Variants in VAV1 observed in about 807,000 individuals in gnomAD.
The protein encoded by VAV1 is proto-oncogene vav.
In VAV1, 33 loss-of-function variants were observed where a neutral mutation model predicts 128.1. That is an observed-to-expected ratio of 0.26 (90% CI 0.20 to 0.34). VAV1 has a LOEUF of 0.34. VAV1 is among the 10% of genes least tolerant of loss of function. VAV1 has a pLI of 1.00. For synonymous variants in VAV1, 394 were observed against 409.8 expected, an observed-to-expected ratio of 0.96 and a Z score of 0.47; for missense variants, 715 against 1,093.7, an observed-to-expected ratio of 0.65 and a Z score of 4.88.
chr19:6,850,621 G>GA, intron 23 of VAV1, 49 bp from the exon 24 acceptor site: 1 of 1,586,214 alleles, frequency 6.3e-7, no homozygotes, highest in Non-Finnish European at 8.7e-7. Context: ...GCTTGGTGGG[G>GA]AATGGGCCTG....
intron 1 of VAV1, among the ~76,000 whole-genome samples, chr19:6,781,413 A>G (rs2144695123): frequency 6.6e-6 from 1 of 152,058 alleles, no homozygotes; most frequent in African/African-American, 2.4e-5. Context: ...AAGATTCTGG[A>G]GTTTTGCCAG....
chr19:6,818,813 C>T (rs1030063494), intron 1 of VAV1, among the ~76,000 whole-genome samples: 1 of 152,028 alleles, frequency 6.6e-6, no homozygotes, highest in African/African-American at 2.4e-5. Flanking sequence ...AATATCTAGT[C>T]CTAAAAAGTA....
At chr19:6,830,067 T>G in intron 14 of VAV1, 149 bp downstream of exon 14, 1 of 1,351,414 alleles carries the variant, frequency 7.4e-7, no homozygotes, top group Non-Finnish European at 1.0e-6. Flanking sequence ...GTTTGTTTTG[T>G]TCTGTTTTTT....
At position 6,843,258 on chromosome 19, in the gene VAV1, A is replaced by G. The variant is rs1177491504; in HGVS notation, c.2012+92A>G. ...GGAGGAACCTCCGAGCCAATTAGTTATGCATTCTGTGATCCCTGAGCACCG... is the reference window on the plus strand; with the variant it reads ...GGAGGAACCTCCGAGCCAATTAGTTGTGCATTCTGTGATCCCTGAGCACCG... On this transcript the variant is annotated intron_variant, in intron 22 of 26. Coordinates refer to ENST00000602142, the MANE Select transcript of VAV1 (RefSeq NM_005428.4). The G allele has an allele frequency of 5.6e-6, 8 of 1,430,102 alleles. No homozygotes were observed. In the South Asian group the frequency reaches 5.8e-5, roughly 10 times the overall value. The allele number at this position is 1,430,102 out of a possible 1,614,324, so 88.6% of individuals were successfully genotyped here. A position where few individuals can be genotyped will look rare whatever the true frequency, so the allele number is the denominator to read the frequency against.
intron 1 of VAV1, among the ~76,000 whole-genome samples, chr19:6,810,101 C>T (rs1971484275): frequency 6.6e-6 from 1 of 152,014 alleles, no homozygotes; most frequent in Non-Finnish European, 1.5e-5. Context: ...ATCAATTGAA[C>T]CCAAAAGGTG....
In VAV1 at chr19:6,777,256, TCCATCCA is replaced by T. The variant is rs1970666362; in HGVS notation, c.204+4246_204+4252del. ...AACTATCCATCCATCCATCCATCCA[TCCATCCA>T]TCCATCCATCCATCCATCCATCCAG... On this transcript the variant is annotated intron_variant, in intron 1 of 26. Coordinates refer to ENST00000602142, the MANE Select transcript of VAV1 (RefSeq NM_005428.4). The surrounding 1 kb of genome is among the most constrained non-coding windows in gnomAD (Gnocchi z 4.4). 6.6e-6 allele frequency among the ~76,000 whole-genome samples: 1 copy of T among 151,528 alleles called. No individual in the cohort carries two copies. Among genetic ancestry groups the T allele is most frequent in the Non-Finnish European group, 1.5e-5 (1 of 67,886 alleles).
intron 21 of VAV1, among the ~76,000 whole-genome samples, chr19:6,841,314 C>G (rs1259997871): frequency 2.6e-5 from 4 of 152,068 alleles, no homozygotes; most frequent in Admixed American, 1.3e-4. Flanking sequence ...TCAACTTTTG[C>G]GTATTGTGAA....
chr19:6,779,028 CGGCAT>C (rs1970706282), intron 1 of VAV1, among the ~76,000 whole-genome samples: 3 of 145,988 alleles, frequency 2.1e-5, no homozygotes, highest in Non-Finnish European at 3.0e-5. Flanking sequence ...AGGTGTGCAC[CGGCAT>C]ACCTGGGTGA....
chr19:6,840,015 A>G (rs1972330285), intron 21 of VAV1, among the ~76,000 whole-genome samples: 2 of 152,110 alleles, frequency 1.3e-5, no homozygotes, highest in Non-Finnish European at 2.9e-5. Context: ...TCTAAGGTAC[A>G]GTTGAGTGGC....
chr19:6,793,154 G>A (rs1971053664), intron 1 of VAV1, among the ~76,000 whole-genome samples: 1 of 152,138 alleles, frequency 6.6e-6, no homozygotes, highest in Non-Finnish European at 1.5e-5. Context: ...CTAACACGGT[G>A]AAACCTCATC....
At chr19:6,815,227 A>G (rs1971620775) in intron 1 of VAV1, among the ~76,000 whole-genome samples, 1 of 152,078 alleles carries the variant, frequency 6.6e-6, no homozygotes. Context: ...AGCTCACTGC[A>G]GCCTCTACCT....
chr19:6,832,224 T>C, intron 15 of VAV1, 24 bp downstream of exon 15: 1 of 1,611,138 alleles, frequency 6.2e-7, no homozygotes, highest in South Asian at 1.1e-5. Flanking sequence ...TTCCTCCCTC[T>C]TTCTGTCCAC....
rs951885642 is a variant in VAV1 at position 6,820,818 on chromosome 19, G to A, written c.321G>A (p.Lys107=). 3.8e-5 allele frequency: 62 copies of A among 1,613,822 alleles called. No homozygotes were observed. The highest frequency in any genetic ancestry group is 5.0e-5 in the Non-Finnish European group (59 of 1,179,798). The change falls in exon 2 of 27, where the codon AAG becomes AAA. Residue 107 remains lysine (K), a splice_region_variant and synonymous_variant. Transcript: ENST00000602142. The surrounding 1 kb of genome is among the most constrained non-coding windows in gnomAD (Gnocchi z 4.4). ...TCTTCGATGTGCAGGATTTTGGCAA[G>A]GTGAGCTGCACACTTGAAGCCCAAA... ...FDLFDVQDFG[K]VIYTLSALSW... is the part of the protein sequence containing the mutation.
At chr19:6,855,963 T>G (rs1972789103) in intron 26 of VAV1, among the ~76,000 whole-genome samples, 1 of 152,200 alleles carries the variant, frequency 6.6e-6, no homozygotes, top group South Asian at 2.1e-4. Context: ...CAGGAACTGT[T>G]CTAGGCTCTT....
At chr19:6,844,362 C>T (rs1284615109) in intron 22 of VAV1, among the ~76,000 whole-genome samples, 1 of 151,814 alleles carries the variant, frequency 6.6e-6, no homozygotes, top group Non-Finnish European at 1.5e-5. Flanking sequence ...ATTACAGGCA[C>T]CTGCCGCCAC....
At chr19:6,821,934 C>A in intron 4 of VAV1, 75 bp downstream of exon 4, 2 of 1,582,462 alleles carry the variant, frequency 1.3e-6, no homozygotes, top group Non-Finnish European at 8.7e-7. Flanking sequence ...GGGGACATGG[C>A]CTTGCCCTCC....
At chr19:6,845,068 G>A (rs747080804) in intron 22 of VAV1, among the ~76,000 whole-genome samples, 11 of 152,002 alleles carry the variant, frequency 7.2e-5, no homozygotes, top group Non-Finnish European at 1.2e-4. Context: ...AACCAGATTT[G>A]CATTCGTTTT....
chr19:6,827,246 G>GGTTT (rs577396708), intron 9 of VAV1: 10 of 161,076 alleles, frequency 6.2e-5, no homozygotes, highest in East Asian at 5.4e-4. Context: ...CATTCCAGTG[G>GGTTT]GTTTGTTTGT....
At chr19:6,773,549 G>C (rs1449974640) in intron 1 of VAV1, among the ~76,000 whole-genome samples, 1 of 152,048 alleles carries the variant, frequency 6.6e-6, no homozygotes, top group Admixed American at 6.5e-5. Context: ...TGGGGCAGGT[G>C]GGGGGCTGCA....
Sources: allele counts gnomAD v4.1 joint callset (sites outside exome capture counted in the v4.1 genomes callset), GRCh38; gene constraint gnomAD v4.1.1; non-coding constraint Gnocchi (gnomAD v3.1); transcripts MANE v1.5; gene names NCBI Gene and HGNC (gene_info 2026-07-23, HGNC 2026-07-21).